CCDC171: variants seen among roughly 807,000 people sequenced by gnomAD.
The protein encoded by CCDC171 is coiled-coil domain containing 171.
In CCDC171, 177 loss-of-function variants were observed where a neutral mutation model predicts 168.2. The ratio of observed to expected loss-of-function variants is 1.05; its 90% CI spans 0.93 to 1.19. The LOEUF (loss-of-function observed/expected upper bound fraction) is 1.19. CCDC171 is among the 50% of genes most tolerant of loss of function. CCDC171 has a pLI of 0.00. For synonymous variants in CCDC171, 687 were observed against 540.8 expected (o/e 1.27, Z -3.75); for missense variants, 1,991 against 1,539.0 (o/e 1.29, Z -4.91).
chr9:15,997,240 A>G (rs746858989), intron 3 of CCDC171, among the ~76,000 whole-genome samples: 1 of 152,122 alleles, frequency 6.6e-6, no homozygotes, highest in Non-Finnish European at 1.5e-5. Context: ...CCAAACCAAC[A>G]TGGAGCTCTA....
chr9:16,100,232 G>T, the CCDC171 span, among the ~76,000 whole-genome samples: 1 of 152,236 alleles, frequency 6.6e-6, no homozygotes, highest in East Asian at 1.9e-4. Context: ...AACCTAAAAA[G>T]GGAAGCAGCA....
chr9:15,627,005 G>C lies in CCDC171; in HGVS notation c.822+3592G>C, dbSNP rs933881160. On this transcript the variant is annotated intron_variant, in intron 7 of 25. Coordinates refer to ENST00000380701, the MANE Select transcript of CCDC171 (RefSeq NM_173550.4). ...GCCTCAATTTCAGAGCCTGTTATTG[G>C]TCTATTTTGGGATTCAACTTCTTCC... 8.5e-4 allele frequency among the ~76,000 whole-genome samples: 130 copies of C among 152,272 alleles called. 1 individual carries two copies. Among genetic ancestry groups the C allele is most frequent in the African/African-American group, 2.8e-3 (117 of 41,552 alleles).
At chr9:16,086,891 C>T in the CCDC171 span, among the ~76,000 whole-genome samples, 4 of 152,186 alleles carry the variant, frequency 2.6e-5, no homozygotes, top group Non-Finnish European at 5.9e-5. Context: ...TCCCTCTAAA[C>T]ACTGCTTTAG....
chr9:15,900,070 A>T (rs147505947), intron 24 of CCDC171, among the ~76,000 whole-genome samples: 2 of 152,288 alleles, frequency 1.3e-5, no homozygotes, highest in Non-Finnish European at 2.9e-5. Context: ...GAATTCTAAG[A>T]TGACCCCTTT....
At chr9:16,059,196 T>C (rs1301908493) in intron 1 of CCDC171, among the ~76,000 whole-genome samples, 1 of 152,214 alleles carries the variant, frequency 6.6e-6, no homozygotes, top group Non-Finnish European at 1.5e-5. Context: ...ACGTTATTGT[T>C]TCCAAAGCAC....
intron 4 of CCDC171, among the ~76,000 whole-genome samples, chr9:15,585,758 G>A (rs1587158907): frequency 1.3e-5 from 2 of 152,098 alleles, no homozygotes; most frequent in East Asian, 1.9e-4. Flanking sequence ...CGGGTGGATC[G>A]CTTGAACCCA....
At chr9:15,835,151 C>G (rs554564661) in intron 21 of CCDC171, among the ~76,000 whole-genome samples, 1 of 152,256 alleles carries the variant, frequency 6.6e-6, no homozygotes, top group African/African-American at 2.4e-5. Context: ...TGACTATTAG[C>G]TTAAGAAATA....
chr9:15,784,453 G>T (rs2057830603), intron 20 of CCDC171, 56 bp from the exon 21 acceptor site: 1 of 1,149,236 alleles, frequency 8.7e-7, no homozygotes, highest in South Asian at 1.6e-5. Flanking sequence ...AAGGTGAAAT[G>T]ATACAACAAT....
chr9:15,754,911 G>A (rs2056003585), intron 18 of CCDC171, among the ~76,000 whole-genome samples: 1 of 151,942 alleles, frequency 6.6e-6, no homozygotes, highest in African/African-American at 2.4e-5. Flanking sequence ...AAAAAATAAG[G>A]TCAAATGAAA....
Position 15,648,665 on chromosome 9 carries a change from A to G in CCDC171, c.823-8462A>G, listed in dbSNP as rs540166551. Among the ~76,000 whole-genome samples the G allele has an allele frequency of 2.0e-5, 3 of 152,366 alleles. No homozygotes were observed. In the South Asian group the frequency reaches 6.2e-4, roughly 32 times the overall value. On this transcript the variant is annotated intron_variant, in intron 7 of 25. Transcript: ENST00000380701. The stretch of plus-strand genomic sequence containing the variant: ...CATTCACAGTTGCTACAAATAGAAT[A>G]AAATACCTAGGAATAAACTTACAAG...
chr9:15,787,947 G>T (rs893045331), intron 21 of CCDC171, among the ~76,000 whole-genome samples: 1 of 152,222 alleles, frequency 6.6e-6, no homozygotes, highest in African/African-American at 2.4e-5. Flanking sequence ...CTGTGCTTTG[G>T]AAAAGCATCT....
chr9:15,645,161 A>G (rs577866863), intron 7 of CCDC171, among the ~76,000 whole-genome samples: 5 of 152,240 alleles, frequency 3.3e-5, no homozygotes, highest in Non-Finnish European at 7.3e-5. Flanking sequence ...GCAAACTCCA[A>G]CAGACCTGCA....
In CCDC171 at chr9:15,560,874, C is replaced by T. The variant is rs376959644; in HGVS notation, c.-111-3104C>T. Among the ~76,000 whole-genome samples, 11 of 152,120 alleles carry T rather than the reference C, an allele frequency of 7.2e-5. No homozygotes were observed. In the East Asian group the frequency reaches 9.6e-4, roughly 13 times the overall value. Reference sequence around the variant, plus strand: ...CTCCCATCTTTGTGGTTTTATCTACCTTTGGTCTTTGTTGATGGTGACATA... The same window carrying T: ...CTCCCATCTTTGTGGTTTTATCTACTTTTGGTCTTTGTTGATGGTGACATA... On this transcript the variant is annotated intron_variant, in intron 1 of 25. Transcript: ENST00000380701.
intron 21 of CCDC171, among the ~76,000 whole-genome samples, chr9:15,803,781 A>T (rs2058941553): frequency 6.6e-6 from 1 of 151,716 alleles, no homozygotes; most frequent in African/African-American, 2.4e-5. Context: ...ATTTTAAAAT[A>T]TTTTTTTCTT....
At chr9:15,853,219 C>A (rs528303731) in intron 23 of CCDC171, among the ~76,000 whole-genome samples, 1 of 151,468 alleles carries the variant, frequency 6.6e-6, no homozygotes, top group Non-Finnish European at 1.5e-5. Flanking sequence ...ACATAGAATG[C>A]CTTTCTACTT....
intron 1 of CCDC171, among the ~76,000 whole-genome samples, chr9:15,561,596 T>C (rs1397685428): frequency 6.6e-6 from 1 of 152,138 alleles, no homozygotes; most frequent in Non-Finnish European, 1.5e-5. Flanking sequence ...TGAACTTGAC[T>C]GTCCTCATCA....
At chr9:15,581,604 C>T (rs1263737922) in intron 4 of CCDC171, among the ~76,000 whole-genome samples, 1 of 152,080 alleles carries the variant, frequency 6.6e-6, no homozygotes, top group African/African-American at 2.4e-5. Flanking sequence ...TGGAACAGAA[C>T]AGAGCCCTCA....
chr9:16,070,276 C>A, the CCDC171 span, among the ~76,000 whole-genome samples: 1 of 152,150 alleles, frequency 6.6e-6, no homozygotes, highest in Non-Finnish European at 1.5e-5. Flanking sequence ...GAAGTCCAGC[C>A]AAGGAGTGTT....
intron 21 of CCDC171, among the ~76,000 whole-genome samples, chr9:15,845,306 G>T (rs1192657832): frequency 1.3e-5 from 2 of 151,960 alleles, no homozygotes; most frequent in African/African-American, 4.8e-5. Context: ...GTGAAGATCT[G>T]TTAATAGTGA....
Sources: gnomAD v4.1 joint callset for allele counts (sites outside exome capture counted in the v4.1 genomes callset) on GRCh38, gnomAD v4.1.1 for gene constraint, MANE v1.5 for transcripts, NCBI Gene and HGNC (gene_info 2026-07-23, HGNC 2026-07-21) for gene names.